The following MSRB3 variants were observed in gnomAD, a reference collection of about 807,000 sequenced individuals.
The protein encoded by MSRB3 is methionine sulfoxide reductase B3, also known as methionine-R-sulfoxide reductase B3.
A neutral mutation model predicts 21.0 loss-of-function variants in MSRB3; 13 were observed. The ratio of observed to expected loss-of-function variants is 0.62; its 90% CI spans 0.40 to 0.98. The LOEUF (loss-of-function observed/expected upper bound fraction) is 0.98. Ranked by LOEUF, MSRB3 falls within the 50% of genes least tolerant of loss-of-function variation. The probability of loss-of-function intolerance (pLI) is 0.00; values close to 1 mark genes in which losing one functional copy is unlikely to be tolerated. For missense variants in MSRB3, 199 were observed against 230.3 expected (o/e 0.86, Z 0.88); for synonymous variants, 87 against 88.6 (o/e 0.98, Z 0.10).
At chr12:65,294,701 A>G in intron 1 of MSRB3, among the ~76,000 whole-genome samples, 1 of 152,328 alleles carries the variant, frequency 6.6e-6, no homozygotes, top group South Asian at 2.1e-4. Flanking sequence ...AGGCACATTT[A>G]AGTCATTTAT....
chr12:65,335,117 A>C (rs1245432678), intron 4 of MSRB3, among the ~76,000 whole-genome samples: 1 of 152,180 alleles, frequency 6.6e-6, no homozygotes, highest in Non-Finnish European at 1.5e-5. Context: ...ATCACCTGTA[A>C]AATGGGGTAA....
intron 5 of MSRB3, among the ~76,000 whole-genome samples, chr12:65,402,934 G>A (rs1054184076): frequency 6.6e-6 from 1 of 152,212 alleles, no homozygotes; most frequent in Non-Finnish European, 1.5e-5. Context: ...ACTAGCAGAG[G>A]CTGCAGAACA....
chr12:65,433,128 C>G (rs1208314971), intron 5 of MSRB3, among the ~76,000 whole-genome samples: 4 of 151,900 alleles, frequency 2.6e-5, no homozygotes, highest in Non-Finnish European at 5.9e-5. Flanking sequence ...AGTTATATAT[C>G]CAAAAGAATT....
At chr12:65,438,541 T>C (rs1013423693) in intron 5 of MSRB3, among the ~76,000 whole-genome samples, 6 of 151,844 alleles carry the variant, frequency 4.0e-5, no homozygotes, top group Non-Finnish European at 7.4e-5. Flanking sequence ...TCTTATAACC[T>C]TCCAAATTTA....
At chr12:65,431,588 C>T (rs1420227868) in intron 5 of MSRB3, among the ~76,000 whole-genome samples, 1 of 151,900 alleles carries the variant, frequency 6.6e-6, no homozygotes, top group Admixed American at 6.6e-5. Flanking sequence ...TTACTTTTTT[C>T]TTCTTCTTCT....
chr12:65,284,392 A>C (rs915033540), intron 1 of MSRB3: 1 of 152,292 alleles, frequency 6.6e-6, no homozygotes, highest in East Asian at 1.9e-4. Context: ...TACATTGGAC[A>C]GAAATAAGCA....
chr12:65,307,815 T>C (rs1342358229), intron 1 of MSRB3, among the ~76,000 whole-genome samples: 2 of 152,208 alleles, frequency 1.3e-5, no homozygotes, highest in African/African-American at 4.8e-5. Flanking sequence ...TTATAAATCA[T>C]ATAATTAAAT....
intron 5 of MSRB3, among the ~76,000 whole-genome samples, chr12:65,371,287 C>T (rs1424805628): frequency 6.9e-6 from 1 of 143,972 alleles, no homozygotes; most frequent in East Asian, 2.1e-4. Context: ...GAAATTCTGC[C>T]ACTGCACTCC....
At chr12:65,412,839 G>A (rs1031087035) in intron 5 of MSRB3, among the ~76,000 whole-genome samples, 2 of 152,206 alleles carry the variant, frequency 1.3e-5, no homozygotes, top group African/African-American at 2.4e-5. Flanking sequence ...CAATCATGGC[G>A]GAAGGTAAAG....
intron 4 of MSRB3, among the ~76,000 whole-genome samples, chr12:65,368,447 G>A (rs969710974): frequency 1.3e-5 from 2 of 152,114 alleles, no homozygotes; most frequent in Admixed American, 6.5e-5. Context: ...TCCCACAGCC[G>A]AACTGAGAGC....
At chr12:65,373,971 G>A (rs1418782317) in intron 5 of MSRB3, among the ~76,000 whole-genome samples, 1 of 152,136 alleles carries the variant, frequency 6.6e-6, no homozygotes, top group African/African-American at 2.4e-5. Context: ...GAGTGGGGCT[G>A]TTAAGGTAGT....
rs185399469 is a variant in MSRB3, at chr12:65,292,180, C to T, written c.-52+13315C>T. Among the ~76,000 whole-genome samples, 8 of 152,268 alleles carry T rather than the reference C, an allele frequency of 5.3e-5. No homozygotes were observed. The East Asian group carries it at 1.4e-3, about 26-fold the overall frequency. On this transcript the variant is annotated intron_variant, in intron 1 of 6. Coordinates refer to ENST00000308259, the MANE Select transcript of MSRB3 (RefSeq NM_001031679.3). ...TGAGCTCAATTTGGTCCCTGTCTTC[C>T]TGACTTCAGAGCGTTTGATACACTG...
intron 5 of MSRB3, chr12:65,419,780 C>G (rs1039542242): frequency 5.4e-5 from 58 of 1,067,422 alleles, no homozygotes; most frequent in Non-Finnish European, 7.4e-5. Context: ...TGGTCTCCTT[C>G]TCATTCTGGA....
intron 5 of MSRB3, among the ~76,000 whole-genome samples, chr12:65,414,410 C>T (rs573377328): frequency 6.6e-6 from 1 of 151,850 alleles, no homozygotes; most frequent in Non-Finnish European, 1.5e-5. Flanking sequence ...AATGGTGGTC[C>T]CATAAGATTA....
chr12:65,437,517 C>CA lies in MSRB3; in HGVS notation c.293-16205dup, dbSNP rs541222724. Reference sequence around the variant, plus strand: ...TAACCAGGCCTGAACCCAAGTGAGACAAAAAAGAAAAATAACAACATATCT... The same window carrying CA: ...TAACCAGGCCTGAACCCAAGTGAGACAAAAAAAGAAAAATAACAACATATCT... On this transcript the variant is annotated intron_variant, in intron 5 of 6. Transcript: ENST00000308259. Among the ~76,000 whole-genome samples the CA allele has an allele frequency of 2.1e-3, 313 of 151,150 alleles. 2 individuals carry two copies. Among genetic ancestry groups the CA allele is most frequent in the African/African-American group, 7.0e-3 (290 of 41,222 alleles).
At chr12:65,342,233 A>G (rs1193188380) in intron 4 of MSRB3, among the ~76,000 whole-genome samples, 2 of 151,892 alleles carry the variant, frequency 1.3e-5, no homozygotes, top group African/African-American at 4.8e-5. Flanking sequence ...AGTGGCAAAA[A>G]AGCAAACTGG....
In MSRB3 at chr12:65,278,798, C is replaced by G. The variant is rs529647407; in HGVS notation, c.-119C>G. The stretch of plus-strand genomic sequence containing the variant: ...GCCCGCGGCGGACCCTCCCGCGCCC[C>G]CTCTCGCTCTGCCTCTCCCTCTGCC... On this transcript the variant is annotated 5_prime_UTR_variant, in exon 1 of 7. Transcript: ENST00000308259. The G allele has an allele frequency of 6.4e-7, 1 of 1,572,098 alleles. No individual in the cohort carries two copies. Among genetic ancestry groups the G allele is most frequent in the African/African-American group, 1.4e-5 (1 of 73,968 alleles).
intron 5 of MSRB3, among the ~76,000 whole-genome samples, chr12:65,433,648 A>G (rs972275783): frequency 6.6e-6 from 1 of 151,912 alleles, no homozygotes; most frequent in African/African-American, 2.4e-5. Context: ...GTTGTATGAT[A>G]TTGATAGCTT....
chr12:65,300,230 T>C (rs12296846), intron 1 of MSRB3, among the ~76,000 whole-genome samples: 6,408 of 152,298 alleles, frequency 0.042, 440 homozygotes, highest in African/African-American at 0.15. Context: ...TCAGTCACTT[T>C]TGCAGCTGAG....
Sources: gnomAD v4.1 joint callset for allele counts (sites outside exome capture counted in the v4.1 genomes callset) on GRCh38, gnomAD v4.1.1 for gene constraint, MANE v1.5 for transcripts, NCBI Gene and HGNC (gene_info 2026-07-23, HGNC 2026-07-21) for gene names.